The following FYN variants were observed in gnomAD, a reference collection of about 807,000 sequenced individuals.
FYN encodes tyrosine-protein kinase Fyn.
Under a neutral mutation model 70.2 loss-of-function variants are expected in FYN, and 10 were observed. The ratio of observed to expected loss-of-function variants is 0.14; its 90% CI spans 0.09 to 0.24. The LOEUF is 0.24. Ranked by LOEUF, FYN falls within the 10% of genes least tolerant of loss-of-function variation. The pLI is 1.00. For synonymous variants in FYN, 236 were observed against 248.6 expected (o/e 0.95, Z 0.48); for missense variants, 319 against 673.1 (o/e 0.47, Z 5.82).
chr6:111,855,062 A>C lies in FYN; in HGVS notation c.-122-8433T>G, dbSNP rs1213421272. Among the ~76,000 whole-genome samples, 3 of 152,350 alleles carry C rather than the reference A, an allele frequency of 2.0e-5. No homozygotes were observed. In the East Asian group the frequency reaches 5.8e-4, roughly 29 times the overall value. On this transcript the variant is annotated intron_variant, in intron 1 of 13. Coordinates refer to ENST00000354650, the MANE Select transcript of FYN (RefSeq NM_002037.5). Reference sequence around the variant, plus strand: ...CTCAGGTTTTTTTGTGCATATATGAAAAGTGAAACGATGACTTTAATGTAT... The same window carrying C: ...CTCAGGTTTTTTTGTGCATATATGACAAGTGAAACGATGACTTTAATGTAT...
intron 9 of FYN, among the ~76,000 whole-genome samples, chr6:111,698,571 T>A (rs1288718388): frequency 6.6e-6 from 1 of 152,214 alleles, no homozygotes; most frequent in Non-Finnish European, 1.5e-5. Flanking sequence ...ATTGTTTTAC[T>A]GAAACATGTT....
chr6:111,732,225 G>A (rs1345452860), intron 3 of FYN, among the ~76,000 whole-genome samples: 2 of 152,226 alleles, frequency 1.3e-5, no homozygotes, highest in Non-Finnish European at 2.9e-5. Flanking sequence ...GCTTGTAAAA[G>A]TTATGGTGAA....
intron 2 of FYN, among the ~76,000 whole-genome samples, chr6:111,825,958 G>A (rs1211615013): frequency 6.6e-6 from 1 of 152,030 alleles, no homozygotes; most frequent in Non-Finnish European, 1.5e-5. Flanking sequence ...GGATTGGGTG[G>A]GTCTGGATAC....
chr6:111,836,447 CCAACAA>C (rs60069708), intron 2 of FYN, among the ~76,000 whole-genome samples: 1 of 151,716 alleles, frequency 6.6e-6, no homozygotes, highest in African/African-American at 2.4e-5. Flanking sequence ...AATTATATTT[CCAACAA>C]CAACAACAAC....
intron 2 of FYN, among the ~76,000 whole-genome samples, chr6:111,791,113 G>C (rs1771604829): frequency 6.6e-6 from 1 of 152,030 alleles, no homozygotes; most frequent in Non-Finnish European, 1.5e-5. Flanking sequence ...AGTTAATCCT[G>C]AACAAGAGGA....
At chr6:111,855,521 C>T (rs1773801619) in intron 1 of FYN, among the ~76,000 whole-genome samples, 1 of 152,064 alleles carries the variant, frequency 6.6e-6, no homozygotes, top group African/African-American at 2.4e-5. Flanking sequence ...GTTATATATA[C>T]CCAATTAGAA....
chr6:111,786,751 G>A (rs1305779632), intron 2 of FYN, among the ~76,000 whole-genome samples: 4 of 152,146 alleles, frequency 2.6e-5, no homozygotes, highest in Non-Finnish European at 4.4e-5. Context: ...TTTAATGATC[G>A]CCATTCTAAC....
chr6:111,868,924 T>C (rs1373645625), intron 1 of FYN, among the ~76,000 whole-genome samples: 1 of 152,222 alleles, frequency 6.6e-6, no homozygotes, highest in Non-Finnish European at 1.5e-5. Flanking sequence ...ATTATTTTTA[T>C]CTCTTCTAGT....
intron 13 of FYN, among the ~76,000 whole-genome samples, chr6:111,665,417 T>C (rs1313598791): frequency 1.3e-5 from 2 of 152,158 alleles, no homozygotes; most frequent in Non-Finnish European, 2.9e-5. Flanking sequence ...TTTTTCTTCT[T>C]AGATGGTTTC....
intron 12 of FYN, among the ~76,000 whole-genome samples, chr6:111,687,863 G>A (rs370116490): frequency 6.6e-6 from 1 of 152,240 alleles, no homozygotes; most frequent in South Asian, 2.1e-4. Flanking sequence ...GACAGGTTAA[G>A]CAACTTGTTC....
intron 3 of FYN, among the ~76,000 whole-genome samples, chr6:111,779,643 C>T (rs1029366579): frequency 1.4e-4 from 22 of 152,112 alleles, no homozygotes; most frequent in African/African-American, 5.3e-4. Context: ...TGCAGGGATT[C>T]CCACAGGTTC....
intron 1 of FYN, among the ~76,000 whole-genome samples, chr6:111,863,298 T>A (rs567480726): frequency 6.6e-6 from 1 of 152,234 alleles, no homozygotes; most frequent in Non-Finnish European, 1.5e-5. Flanking sequence ...TGTGCATGTA[T>A]GTGCCTAGGT....
intron 3 of FYN, among the ~76,000 whole-genome samples, chr6:111,746,890 A>G (rs1292690519): frequency 1.3e-5 from 2 of 152,082 alleles, no homozygotes; most frequent in African/African-American, 2.4e-5. Flanking sequence ...AGAGAGAGAG[A>G]GAGAATCCCT....
chr6:111,725,825 C>A (rs1562492623), intron 3 of FYN, among the ~76,000 whole-genome samples: 2 of 152,160 alleles, frequency 1.3e-5, no homozygotes. Flanking sequence ...ATGTGCCCTG[C>A]AAATCCCTAG....
At chr6:111,764,295 C>CTGGGGAAGT (rs1803137769) in intron 3 of FYN, among the ~76,000 whole-genome samples, 1 of 138,398 alleles carries the variant, frequency 7.2e-6, no homozygotes, top group African/African-American at 2.8e-5. Flanking sequence ...TAATAAGAAA[C>CTGGGGAAGT]CTCTGAGGAA....
intron 3 of FYN, among the ~76,000 whole-genome samples, chr6:111,771,247 T>C (rs1028951022): frequency 1.3e-5 from 2 of 152,086 alleles, no homozygotes; most frequent in African/African-American, 4.8e-5. Flanking sequence ...TTAACACAGT[T>C]AAAGACACAA....
Position 111,694,744 on chromosome 6 carries a change from A to AT in FYN, c.1043-41_1043-40insA. On this transcript the variant is annotated intron_variant, in intron 10 of 13. Coordinates refer to ENST00000354650, the MANE Select transcript of FYN (RefSeq NM_002037.5). The surrounding 1 kb of genome is among the most constrained non-coding windows in gnomAD (Gnocchi z 5.0). ...TAAAATCATTTCAATTTACTTTGAA[A>AT]GATAATTCCCAACAGAGAGCTGTAT... 2 of 1,541,836 alleles carry AT rather than the reference A, an allele frequency of 1.3e-6. No homozygotes were observed. The highest frequency in any genetic ancestry group is 1.8e-6 in the Non-Finnish European group (2 of 1,120,328).
intron 3 of FYN, among the ~76,000 whole-genome samples, chr6:111,767,849 G>A (rs1008614470): frequency 1.5e-4 from 23 of 152,358 alleles, no homozygotes; most frequent in African/African-American, 5.5e-4. Context: ...GGACTAGATA[G>A]ATCAGGATAA....
intron 12 of FYN, among the ~76,000 whole-genome samples, chr6:111,677,298 G>A (rs189966846): frequency 6.6e-6 from 1 of 152,270 alleles, no homozygotes; most frequent in Admixed American, 6.5e-5. Flanking sequence ...TTTCAAGGAA[G>A]ACAAAAGGTT....
Sources: gnomAD v4.1 joint callset for allele counts (sites outside exome capture counted in the v4.1 genomes callset) on GRCh38, gnomAD v4.1.1 for gene constraint, Gnocchi (gnomAD v3.1) non-coding constraint, MANE v1.5 for transcripts, NCBI Gene and HGNC (gene_info 2026-07-23, HGNC 2026-07-21) for gene names.